The following KAT6A variants were observed in gnomAD, a reference collection of about 807,000 sequenced individuals.
The protein encoded by KAT6A is lysine acetyltransferase 6A.
A neutral mutation model predicts 198.4 loss-of-function variants in KAT6A; 9 were observed. The observed-to-expected ratio is 0.05, with a 90% CI of 0.03 to 0.08. The LOEUF (loss-of-function observed/expected upper bound fraction) is 0.08. Ranked by LOEUF, KAT6A falls within the 10% of genes least tolerant of loss-of-function variation. The pLI is 1.00. For missense variants in KAT6A, 2,077 were observed against 2,509.9 expected (o/e 0.83, Z 3.69); for synonymous variants, 890 against 883.0 (o/e 1.01, Z -0.14).
chr8:41,947,757 AAAG>A lies in KAT6A; in HGVS notation c.1893_1895del (p.Phe632del). The A allele has an allele frequency of 6.3e-7, 1 of 1,589,900 alleles. No homozygotes were observed. The highest frequency in any genetic ancestry group is 8.5e-7 in the Non-Finnish European group (1 of 1,174,030). ...TTTAAGCTGACATACTTACCTTAGA[AAAG>A]TAGCCAACAAGGTGGCAGCCCTTGA... On this transcript the variant is annotated inframe_deletion, in exon 11 of 17. Transcript: ENST00000265713.
intron 2 of KAT6A, among the ~76,000 whole-genome samples, chr8:42,041,940 C>T (rs745990368): frequency 5.3e-5 from 8 of 152,060 alleles, no homozygotes; most frequent in Non-Finnish European, 8.8e-5. Flanking sequence ...TCAAGCAGTC[C>T]ACATAGCCCT....
At chr8:42,043,023 TTC>T (rs1043722342) in intron 2 of KAT6A, among the ~76,000 whole-genome samples, 7 of 152,190 alleles carry the variant, frequency 4.6e-5, no homozygotes, top group African/African-American at 1.7e-4. Flanking sequence ...ATATTATTAT[TTC>T]TGAGTCATGA....
chr8:41,942,641 T>TCA, intron 14 of KAT6A, 152 bp downstream of exon 14: 1 of 852,860 alleles, frequency 1.2e-6, no homozygotes, highest in Non-Finnish European at 1.8e-6. Context: ...GGTCCAGTCT[T>TCA]CTTGAAATCT....
chr8:42,003,195 T>C (rs1367602791), intron 2 of KAT6A, among the ~76,000 whole-genome samples: 1 of 152,208 alleles, frequency 6.6e-6, no homozygotes, highest in African/African-American at 2.4e-5. Context: ...AACCCTAGCA[T>C]TGGCCCTTTC....
chr8:42,031,934 C>CT (rs75169732), intron 2 of KAT6A, among the ~76,000 whole-genome samples: 287 of 136,466 alleles, frequency 2.1e-3, no homozygotes, highest in Admixed American at 7.5e-3. Context: ...CCTGGTCGTA[C>CT]TTTTTTTTTT....
chr8:41,980,237 A>G (rs896666301), intron 5 of KAT6A, among the ~76,000 whole-genome samples: 1 of 152,150 alleles, frequency 6.6e-6, no homozygotes. Flanking sequence ...AAGTCCAACC[A>G]TGAGGCAACT....
chr8:42,010,548 G>A (rs1227084715), intron 2 of KAT6A, among the ~76,000 whole-genome samples: 3 of 152,060 alleles, frequency 2.0e-5, no homozygotes, highest in Admixed American at 1.3e-4. Context: ...CCACACACAC[G>A]TAGGCAAGTC....
chr8:42,037,953 C>G (rs1827460887), intron 2 of KAT6A, among the ~76,000 whole-genome samples: 1 of 152,144 alleles, frequency 6.6e-6, no homozygotes, highest in Non-Finnish European at 1.5e-5. Flanking sequence ...GGTCTGTTTA[C>G]AAGTAACATT....
intron 2 of KAT6A, among the ~76,000 whole-genome samples, chr8:41,994,784 A>G (rs1250697832): frequency 6.6e-6 from 1 of 152,128 alleles, no homozygotes; most frequent in East Asian, 1.9e-4. Flanking sequence ...TAGGCTGGGC[A>G]CGGTGGCTCA....
chr8:42,041,206 A>C (rs958109493), intron 2 of KAT6A, among the ~76,000 whole-genome samples: 3 of 151,880 alleles, frequency 2.0e-5, no homozygotes, highest in Non-Finnish European at 2.9e-5. Flanking sequence ...AAAAAAAAAA[A>C]AAAAAAACTG....
intron 14 of KAT6A, chr8:41,942,228 T>C (rs1564011529): frequency 1.4e-5 from 3 of 217,800 alleles, no homozygotes; most frequent in African/African-American, 6.8e-5. Flanking sequence ...CAGGATGTTT[T>C]GGTGCCCCAT....
chr8:41,954,337 T>G (rs977575042), intron 9 of KAT6A, among the ~76,000 whole-genome samples: 10 of 152,190 alleles, frequency 6.6e-5, no homozygotes, highest in Admixed American at 2.0e-4. Context: ...TAAATAAATT[T>G]TGCTAATATT....
In KAT6A at chr8:41,932,859, G is replaced by A. The variant is rs749303336; in HGVS notation, c.5361C>T (p.Ser1787=). 2 of 1,614,146 alleles carry A rather than the reference G, an allele frequency of 1.2e-6. No homozygotes were observed. Among genetic ancestry groups the A allele is most frequent in the South Asian group, 1.1e-5 (1 of 91,084 alleles). Reference sequence around the variant, plus strand: ...GAGCCAGCTGAGCCAGTCCTGTATTGGACAGAGAAACACTGGTTGCATAGG... The same window carrying A: ...GAGCCAGCTGAGCCAGTCCTGTATTAGACAGAGAAACACTGGTTGCATAGG... ...VTSYATSVSL[S]NTGLAQLAPS... Residue 1787 remains serine, a synonymous_variant, in exon 17 of 17, where the codon TCC becomes TCT. Transcript: ENST00000265713.
rs1821513281 is a variant in KAT6A, at chr8:41,930,987, A to G, written c.*1218T>C. 1 of 211,536 alleles carries G rather than the reference A, an allele frequency of 4.7e-6. No individual in the cohort carries two copies. Among genetic ancestry groups the G allele is most frequent in the Non-Finnish European group, 9.6e-6 (1 of 104,380 alleles). The allele number at this position is 211,536 out of a possible 1,614,324, so 13.1% of individuals were successfully genotyped here. A position where few individuals can be genotyped will look rare whatever the true frequency, so the allele number is the denominator to read the frequency against. On this transcript the variant is annotated 3_prime_UTR_variant, in exon 17 of 17. Transcript: ENST00000265713. ...CTCAGGATCTCAAAAGACATACAAA[A>G]ACTAGAGGTATGTATCACTTAAATA...
intron 2 of KAT6A, among the ~76,000 whole-genome samples, chr8:42,044,568 C>T (rs927343634): frequency 3.3e-5 from 5 of 152,124 alleles, no homozygotes; most frequent in African/African-American, 1.2e-4. Context: ...ATCTAACATA[C>T]AGTTCCTTCC....
At chr8:41,940,751 C>T in intron 15 of KAT6A, 91 bp downstream of exon 15, 2 of 1,470,414 alleles carry the variant, frequency 1.4e-6, no homozygotes, top group Non-Finnish European at 1.8e-6. Flanking sequence ...GAATTTCTAA[C>T]TTATACTCTT....
At position 41,929,959 on chromosome 8, in the gene KAT6A, T is replaced by C. The variant is rs911373149; in HGVS notation, c.*2246A>G. The C allele has an allele frequency of 4.6e-6, 1 of 218,938 alleles. No homozygotes were observed. The highest frequency in any genetic ancestry group is 9.2e-6 in the Non-Finnish European group (1 of 109,066). 13.6% of individuals were successfully genotyped at this position (218,938 alleles called of 1,614,324 possible). A position where few individuals can be genotyped will look rare whatever the true frequency, so the allele number is the denominator to read the frequency against. Reference sequence around the variant, plus strand: ...CTTTTTTAGAAGATTACCCAAGTTATCTTGCTAAAAATACATTTTTTTTAA... The same window carrying C: ...CTTTTTTAGAAGATTACCCAAGTTACCTTGCTAAAAATACATTTTTTTTAA... On this transcript the variant is annotated 3_prime_UTR_variant, in exon 17 of 17. Transcript: ENST00000265713.
chr8:41,987,506 G>T lies in KAT6A; in HGVS notation c.658C>A (p.Arg220=). ...ATGAGTTCCTCTGGCTTCTTTTCTCGGTTTTGTTCTTTTGTACCAAGACAG... is the reference window on the plus strand; with the variant it reads ...ATGAGTTCCTCTGGCTTCTTTTCTCTGTTTTGTTCTTTTGTACCAAGACAG... ...SFCLGTKEQN[R]EKKPEELISC... The change falls in exon 3 of 17, where the codon CGA becomes AGA. Residue 220 remains arginine (R), a synonymous_variant. Transcript: ENST00000265713. 6.2e-7 allele frequency: 1 copy of T among 1,613,648 alleles called. No individual in the cohort carries two copies. Among genetic ancestry groups the T allele is most frequent in the Non-Finnish European group, 8.5e-7 (1 of 1,179,618 alleles).
rs1827356900 is a variant in KAT6A, at chr8:42,035,948, C to T, written c.600+12430G>A. Reference sequence around the variant, plus strand: ...CAAAAAATGGGACTATTTTTGATGGCACACGGCCCCTGAGGTAGCAGAGAA... The same window carrying T: ...CAAAAAATGGGACTATTTTTGATGGTACACGGCCCCTGAGGTAGCAGAGAA... On this transcript the variant is annotated intron_variant, in intron 2 of 16. Transcript: ENST00000265713. 3.3e-5 allele frequency among the ~76,000 whole-genome samples: 5 copies of T among 152,170 alleles called. No individual in the cohort carries two copies. In the South Asian group the frequency reaches 1.0e-3, roughly 32 times the overall value.
Sources: allele counts gnomAD v4.1 joint callset (sites outside exome capture counted in the v4.1 genomes callset), GRCh38; gene constraint gnomAD v4.1.1; transcripts MANE v1.5; gene names NCBI Gene and HGNC (gene_info 2026-07-23, HGNC 2026-07-21).